The following EEPD1 variants were observed in gnomAD, a reference collection of about 807,000 sequenced individuals.
EEPD1 encodes endonuclease/exonuclease/phosphatase family domain containing 1.
A neutral mutation model predicts 46.3 loss-of-function variants in EEPD1; 17 were observed. That is an observed-to-expected ratio of 0.37 (90% CI 0.25 to 0.55). The LOEUF is 0.55. EEPD1 is among the 20% of genes least tolerant of loss of function. The probability of loss-of-function intolerance (pLI) is 0.83; values close to 1 mark genes in which losing one functional copy is unlikely to be tolerated. For synonymous variants in EEPD1, 313 were observed against 315.6 expected (o/e 0.99, Z 0.09); for missense variants, 673 against 745.6 (o/e 0.90, Z 1.13).
intron 6 of EEPD1, among the ~76,000 whole-genome samples, chr7:36,291,797 A>G (rs1787445206): frequency 6.6e-6 from 1 of 152,172 alleles, no homozygotes; most frequent in Non-Finnish European, 1.5e-5. Flanking sequence ...GCTTTCCCTA[A>G]AGCCTCCTTC....
At chr7:36,187,377 G>A (rs998826250) in intron 2 of EEPD1, among the ~76,000 whole-genome samples, 1 of 151,998 alleles carries the variant, frequency 6.6e-6, no homozygotes, top group African/African-American at 2.4e-5. Context: ...AACTGAAACT[G>A]TGCCCCCATT....
intron 2 of EEPD1, among the ~76,000 whole-genome samples, chr7:36,219,005 G>A (rs1354722470): frequency 6.6e-5 from 10 of 152,072 alleles, no homozygotes; most frequent in Admixed American, 2.0e-4. Context: ...GTGGGGTTTC[G>A]GGTTGGTATC....
intron 2 of EEPD1, among the ~76,000 whole-genome samples, chr7:36,208,183 G>A (rs1014302319): frequency 6.6e-6 from 1 of 152,208 alleles, no homozygotes. Context: ...TGGCAGGGAT[G>A]CTGGTTCCTG....
intron 6 of EEPD1, among the ~76,000 whole-genome samples, chr7:36,292,906 C>G (rs1036283335): frequency 1.3e-5 from 2 of 151,880 alleles, no homozygotes; most frequent in South Asian, 4.1e-4. Flanking sequence ...ATTCATAAGT[C>G]GAAAAGAGGA....
intron 6 of EEPD1, among the ~76,000 whole-genome samples, chr7:36,288,174 G>A (rs1787370153): frequency 6.6e-6 from 1 of 152,202 alleles, no homozygotes; most frequent in African/African-American, 2.4e-5. Context: ...GGGGTGACAA[G>A]GGGAAGTGGT....
At chr7:36,280,885 G>A (rs1787250338) in intron 3 of EEPD1, among the ~76,000 whole-genome samples, 2 of 152,200 alleles carry the variant, frequency 1.3e-5, no homozygotes, top group Admixed American at 1.3e-4. Flanking sequence ...GAGTCCCCAG[G>A]TGATAATTTG....
intron 2 of EEPD1, among the ~76,000 whole-genome samples, chr7:36,174,458 A>C (rs1232435922): frequency 6.6e-6 from 1 of 152,228 alleles, no homozygotes; most frequent in Non-Finnish European, 1.5e-5. Flanking sequence ...ATGCTAGTGC[A>C]TAAAGCATAG....
intron 3 of EEPD1, among the ~76,000 whole-genome samples, chr7:36,247,484 G>T (rs1386521623): frequency 6.6e-6 from 1 of 152,216 alleles, no homozygotes; most frequent in African/African-American, 2.4e-5. Flanking sequence ...TACCAACGGG[G>T]ATAAAGTTAT....
At chr7:36,211,581 A>C (rs1785933965) in intron 2 of EEPD1, among the ~76,000 whole-genome samples, 1 of 152,218 alleles carries the variant, frequency 6.6e-6, no homozygotes, top group Non-Finnish European at 1.5e-5. Flanking sequence ...CAAAACCCTG[A>C]GAAAAAAATC....
chr7:36,167,395 A>C (rs150409958), intron 2 of EEPD1, among the ~76,000 whole-genome samples: 3 of 152,280 alleles, frequency 2.0e-5, no homozygotes, highest in African/African-American at 7.2e-5. Context: ...AGAAAGCTGC[A>C]TTTGAGTTCC....
chr7:36,245,492 C>T (rs1037491087), intron 3 of EEPD1, among the ~76,000 whole-genome samples: 1 of 152,032 alleles, frequency 6.6e-6, no homozygotes, highest in Non-Finnish European at 1.5e-5. Context: ...CTAGTTTTTG[C>T]CTCTTATTCT....
chr7:36,165,981 A>G (rs1784976184), intron 2 of EEPD1, among the ~76,000 whole-genome samples: 1 of 152,210 alleles, frequency 6.6e-6, no homozygotes, highest in Non-Finnish European at 1.5e-5. Flanking sequence ...CTGCTCGGAG[A>G]ACCGATGAAT....
chr7:36,170,046 T>C (rs931585762), intron 2 of EEPD1, among the ~76,000 whole-genome samples: 5 of 152,196 alleles, frequency 3.3e-5, no homozygotes, highest in Admixed American at 6.5e-5. Context: ...GAAATAACCT[T>C]GAAGGAACAC....
intron 2 of EEPD1, among the ~76,000 whole-genome samples, chr7:36,232,971 T>C (rs1349940368): frequency 3.9e-5 from 6 of 152,170 alleles, no homozygotes; most frequent in Non-Finnish European, 7.3e-5. Flanking sequence ...ATTTTAACAG[T>C]GTTGAGATCT....
At chr7:36,171,582 A>G (rs905466173) in intron 2 of EEPD1, among the ~76,000 whole-genome samples, 3 of 152,232 alleles carry the variant, frequency 2.0e-5, no homozygotes, top group Admixed American at 2.0e-4. Context: ...GACCACAGAC[A>G]TATGTCTGTA....
At chr7:36,244,632 G>A (rs748496628) in intron 3 of EEPD1, among the ~76,000 whole-genome samples, 31 of 152,108 alleles carry the variant, frequency 2.0e-4, no homozygotes, top group Non-Finnish European at 1.6e-4. Context: ...TTCTCCTCCC[G>A]GTGTGGCCTC....
intron 2 of EEPD1, among the ~76,000 whole-genome samples, chr7:36,191,301 G>C (rs1426423383): frequency 1.3e-5 from 2 of 152,252 alleles, no homozygotes; most frequent in African/African-American, 2.4e-5. Flanking sequence ...GGTCAGAGTG[G>C]CTTCTGTTGA....
intron 3 of EEPD1, among the ~76,000 whole-genome samples, chr7:36,254,435 A>G (rs768861546): frequency 7.9e-5 from 12 of 152,150 alleles, no homozygotes; most frequent in Non-Finnish European, 1.5e-4. Flanking sequence ...AGCTTCATCC[A>G]TGTCCCTGCA....
At chr7:36,238,080 T>C (rs955184259) in intron 2 of EEPD1, among the ~76,000 whole-genome samples, 9 of 152,240 alleles carry the variant, frequency 5.9e-5, no homozygotes, top group Non-Finnish European at 1.2e-4. Context: ...CTCTCCTTTT[T>C]AGACCATATA....
Sources: gnomAD v4.1 joint callset for allele counts (sites outside exome capture counted in the v4.1 genomes callset) on GRCh38, gnomAD v4.1.1 for gene constraint, MANE v1.5 for transcripts, NCBI Gene and HGNC (gene_info 2026-07-23, HGNC 2026-07-21) for gene names.